The following NOMO1 variants were observed in gnomAD, a reference collection of about 807,000 sequenced individuals.
The protein encoded by NOMO1 is nodal modulator 3.
A neutral mutation model predicts 133.8 loss-of-function variants in NOMO1; 40 were observed. The ratio of observed to expected loss-of-function variants is 0.30; its 90% CI spans 0.23 to 0.39. NOMO1 has a LOEUF of 0.39. Ranked by LOEUF, NOMO1 falls within the 10% of genes least tolerant of loss-of-function variation. The pLI, the probability that NOMO1 is intolerant of heterozygous loss-of-function variation, is 1.00. For synonymous variants in NOMO1, 236 were observed against 570.5 expected, an observed-to-expected ratio of 0.41 and a Z score of 8.36; for missense variants, 462 against 1,419.9, an observed-to-expected ratio of 0.33 and a Z score of 10.84.
At chr16:14,835,368 T>C (rs1439536343) in intron 1 of NOMO1, among the ~76,000 whole-genome samples, 1 of 151,196 alleles carries the variant, frequency 6.6e-6, no homozygotes, top group Non-Finnish European at 1.5e-5. Context: ...TGCCACCGCC[T>C]AGGTCTGCAC....
intron 20 of NOMO1, among the ~76,000 whole-genome samples, chr16:14,875,827 G>A (rs974788756): frequency 6.6e-6 from 1 of 151,678 alleles, no homozygotes; most frequent in African/African-American, 2.4e-5. Context: ...ATGATGGGAG[G>A]GTCTTTTTTT....
At chr16:14,881,135 T>A (rs1339901535) in intron 24 of NOMO1, among the ~76,000 whole-genome samples, 1 of 152,144 alleles carries the variant, frequency 6.6e-6, no homozygotes, top group East Asian at 1.9e-4. Context: ...TGTAGACTTA[T>A]ACAGAATCAC....
intron 18 of NOMO1, among the ~76,000 whole-genome samples, chr16:14,874,171 T>C (rs1964120307): frequency 6.6e-6 from 1 of 151,664 alleles, no homozygotes; most frequent in Non-Finnish European, 1.5e-5. Flanking sequence ...TTGCTTTGTG[T>C]ATTTTCCATG....
chr16:14,843,472 C>T (rs1355122816), intron 3 of NOMO1, among the ~76,000 whole-genome samples: 1 of 151,998 alleles, frequency 6.6e-6, no homozygotes, highest in Non-Finnish European at 1.5e-5. Context: ...GGTGTTCTCC[C>T]AGCAGTGTAC....
At chr16:14,843,520 G>A (rs1396925114) in intron 3 of NOMO1, among the ~76,000 whole-genome samples, 6 of 151,938 alleles carry the variant, frequency 3.9e-5, no homozygotes, top group East Asian at 3.9e-4. Context: ...CCTACACTTG[G>A]TATCGTCAGT....
intron 15 of NOMO1, among the ~76,000 whole-genome samples, chr16:14,868,034 C>CT (rs1444413700): frequency 1.2e-5 from 1 of 84,468 alleles, no homozygotes; most frequent in Non-Finnish European, 2.4e-5. Flanking sequence ...TGCACATACT[C>CT]TCCCCTCTGC....
chr16:14,857,334 C>T lies in NOMO1; in HGVS notation c.1069+12C>T, dbSNP rs1485107120. 2 of 1,537,340 alleles carry T rather than the reference C, an allele frequency of 1.3e-6. No individual in the cohort carries two copies. The highest frequency in any genetic ancestry group is 8.9e-7 in the Non-Finnish European group (1 of 1,120,404). On this transcript the variant is annotated intron_variant, in intron 10 of 30. Transcript: ENST00000287667. ...TAACCAAATCAAAGGTGGGCTGACA[C>T]AGCAGCCCCAGGCTGATGGCCAGCG... is the stretch of plus-strand genomic sequence containing the variant.
chr16:14,866,505 G>A, intron 14 of NOMO1, 50 bp from the exon 15 acceptor site: 1 of 1,610,118 alleles, frequency 6.2e-7, no homozygotes, highest in Non-Finnish European at 8.5e-7. Context: ...CGTGGAGGGA[G>A]GTGGTGTGCT....
rs751937434 is a variant in NOMO1 at position 14,864,670 on chromosome 16, T to C, written c.1481T>C (p.Met494Thr). 9 of 1,612,874 alleles carry C rather than the reference T, an allele frequency of 5.6e-6. No homozygotes were observed. The highest frequency in any genetic ancestry group is 7.6e-6 in the Non-Finnish European group (9 of 1,179,674). ...CTTACTGTGACCAACAGGCCCATGA[T>C]GGATGTGGCCTTTGTACAGTTCTTG... Reference protein sequence around the residue: ...FPLTVTNRPMMDVAFVQFLAS... With the variant: ...FPLTVTNRPMTDVAFVQFLAS... Residue 494 changes from methionine to threonine, a missense_variant, in exon 13 of 31, where the codon ATG (methionine) becomes ACG (threonine). Transcript: ENST00000287667.
At chr16:14,877,515 T>A (rs1433189679) in intron 22 of NOMO1, among the ~76,000 whole-genome samples, 2 of 151,486 alleles carry the variant, frequency 1.3e-5, no homozygotes, top group East Asian at 3.9e-4. Context: ...TCGGAAGAAA[T>A]GTTTGTATCA....
At chr16:14,845,236 C>G (rs1963662019) in intron 4 of NOMO1, among the ~76,000 whole-genome samples, 1 of 152,010 alleles carries the variant, frequency 6.6e-6, no homozygotes, top group Non-Finnish European at 1.5e-5. Context: ...TGGGCTTCTG[C>G]TGTGTTGGCC....
At chr16:14,872,011 A>C (rs1430196125) in intron 17 of NOMO1, among the ~76,000 whole-genome samples, 1 of 152,084 alleles carries the variant, frequency 6.6e-6, no homozygotes, top group Non-Finnish European at 1.5e-5. Flanking sequence ...GTATTTTTAC[A>C]GAAGTGTGTG....
chr16:14,846,253 C>G (rs1567537333), intron 4 of NOMO1, among the ~76,000 whole-genome samples: 1 of 150,762 alleles, frequency 6.6e-6, no homozygotes, highest in Non-Finnish European at 1.5e-5. Context: ...TCTCAAACTC[C>G]TGACCTCAAG....
At chr16:14,883,619 A>G (rs1203023840) in intron 26 of NOMO1, among the ~76,000 whole-genome samples, 1 of 151,482 alleles carries the variant, frequency 6.6e-6, no homozygotes, top group African/African-American at 2.4e-5. Context: ...GGCATGAGCC[A>G]CCGCACTGGG....
intron 29 of NOMO1, among the ~76,000 whole-genome samples, chr16:14,894,266 C>T (rs1018993785): frequency 3.4e-4 from 52 of 152,238 alleles, no homozygotes; most frequent in African/African-American, 9.9e-4. Context: ...TGCTTTTCTC[C>T]AAAATGGGGC....
intron 29 of NOMO1, among the ~76,000 whole-genome samples, chr16:14,893,015 T>C (rs544431858): frequency 1.4e-5 from 2 of 146,988 alleles, no homozygotes; most frequent in African/African-American, 5.0e-5. Flanking sequence ...GCATTTCACA[T>C]ACTCCTTTCA....
Position 14,876,720 on chromosome 16 carries a change from A to G in NOMO1, c.2573A>G (p.Tyr858Cys), listed in dbSNP as rs369890298. ...ACGGTGACCTCACAGAAGGAGGGCT[A>G]TGTTCTGACTGCGGTGGAAGGAACC... is the stretch of plus-strand genomic sequence containing the variant. The part of the protein sequence containing the change: ...EYTVTSQKEG[Y>C]VLTAVEGTIG... Residue 858 changes from tyrosine (Y) to cysteine (C), a missense_variant, in exon 22 of 31, where the codon TAT becomes TGT. Coordinates refer to ENST00000287667, the MANE Select transcript of NOMO1 (RefSeq NM_014287.4). The G allele has an allele frequency of 2.0e-5, 32 of 1,610,756 alleles. No homozygotes were observed. The highest frequency in any genetic ancestry group is 2.5e-5 in the Non-Finnish European group (29 of 1,179,736).
At chr16:14,879,408 A>G (rs939826753) in intron 23 of NOMO1, among the ~76,000 whole-genome samples, 5 of 151,386 alleles carry the variant, frequency 3.3e-5, no homozygotes, top group African/African-American at 9.8e-5. Context: ...GCTGTGTCCT[A>G]TCAGGCAAGT....
In NOMO1 at chr16:14,878,862, C is replaced by T. The variant is rs530941552; in HGVS notation, c.2757+28C>T. The T allele has an allele frequency of 2.8e-4, 447 of 1,603,062 alleles. 5 individuals are homozygous for T. In the South Asian group the frequency reaches 4.6e-3, roughly 16 times the overall value. The stretch of plus-strand genomic sequence containing the variant: ...AACGTGTTCTGCAATTTACCACCTG[C>T]CTGTCTTCCCTGAGAGAGAGCCAGG... On this transcript the variant is annotated intron_variant, in intron 23 of 30. Transcript: ENST00000287667.
Sources: gnomAD v4.1 joint callset for allele counts (sites outside exome capture counted in the v4.1 genomes callset) on GRCh38, gnomAD v4.1.1 for gene constraint, MANE v1.5 for transcripts, NCBI Gene and HGNC (gene_info 2026-07-23, HGNC 2026-07-21) for gene names.